B4GALT6: variants seen among roughly 807,000 people sequenced by gnomAD.
The protein encoded by B4GALT6 is UDP-Gal:beta-GlcNAc beta-1,4-galactosyltransferase 6.
Under a neutral mutation model 46.3 loss-of-function variants are expected in B4GALT6, and 14 were observed. The ratio of observed to expected loss-of-function variants is 0.30; its 90% CI spans 0.20 to 0.47. The LOEUF (loss-of-function observed/expected upper bound fraction) is 0.47, where lower values mean the gene tolerates loss of function less well. Among genes scored for constraint, B4GALT6 ranks in the 20% least tolerant of loss-of-function variants. The pLI, the probability that B4GALT6 is intolerant of heterozygous loss-of-function variation, is 0.99. For missense variants in B4GALT6, 386 were observed against 480.1 expected (o/e 0.80, Z 1.83); for synonymous variants, 168 against 162.0 (o/e 1.04, Z -0.28).
intron 5 of B4GALT6, among the ~76,000 whole-genome samples, chr18:31,636,824 T>G (rs2073864600): frequency 6.6e-6 from 1 of 152,200 alleles, no homozygotes; most frequent in Non-Finnish European, 1.5e-5. Context: ...TATTTTTATT[T>G]TTATTTTTAT....
chr18:31,655,147 T>C (rs1598900984), intron 3 of B4GALT6, among the ~76,000 whole-genome samples: 1 of 152,118 alleles, frequency 6.6e-6, no homozygotes, highest in Non-Finnish European at 1.5e-5. Context: ...TTTGCGGAGG[T>C]CACAGGACAA....
At chr18:31,720,660 T>C in the B4GALT6 span, among the ~76,000 whole-genome samples, 1 of 152,086 alleles carries the variant, frequency 6.6e-6, no homozygotes, top group Admixed American at 6.5e-5. Flanking sequence ...TGAGACTGTG[T>C]GGATTGAAAT....
At chr18:31,630,496 G>C (rs1230841263) in intron 6 of B4GALT6, among the ~76,000 whole-genome samples, 1 of 151,640 alleles carries the variant, frequency 6.6e-6, no homozygotes, top group African/African-American at 2.4e-5. Context: ...AGAGGGCTTT[G>C]TGGCCCTCCA....
intron 1 of B4GALT6, among the ~76,000 whole-genome samples, chr18:31,677,662 G>C (rs994965520): frequency 6.6e-6 from 1 of 152,164 alleles, no homozygotes; most frequent in Non-Finnish European, 1.5e-5. Context: ...ACAAAAGGCA[G>C]AATTTGAATG....
At chr18:31,672,094 C>T (rs1294747713) in intron 1 of B4GALT6, among the ~76,000 whole-genome samples, 1 of 152,190 alleles carries the variant, frequency 6.6e-6, no homozygotes, top group East Asian at 1.9e-4. Context: ...ACTAACAGTG[C>T]TGTAAGGATT....
intron 5 of B4GALT6, among the ~76,000 whole-genome samples, chr18:31,635,758 C>A (rs1349947246): frequency 3.9e-5 from 6 of 152,128 alleles, no homozygotes; most frequent in African/African-American, 2.4e-5. Flanking sequence ...GCAGAAGTTG[C>A]AGTGAGCTGA....
At chr18:31,652,193 C>A (rs191885795) in intron 3 of B4GALT6, among the ~76,000 whole-genome samples, 28 of 152,302 alleles carry the variant, frequency 1.8e-4, no homozygotes, top group Non-Finnish European at 2.6e-4. Context: ...CCCTTTGCCA[C>A]CAAACTTCTC....
the B4GALT6 span, among the ~76,000 whole-genome samples, chr18:31,695,496 C>A: frequency 6.6e-6 from 1 of 151,756 alleles, no homozygotes; most frequent in East Asian, 1.9e-4. Context: ...TAGGAGAGGC[C>A]ATATCTAGGC....
intron 4 of B4GALT6, among the ~76,000 whole-genome samples, chr18:31,641,821 T>C (rs550080086): frequency 3.9e-5 from 6 of 152,356 alleles, no homozygotes; most frequent in African/African-American, 1.2e-4. Flanking sequence ...CCTTGCTTAT[T>C]TTCTCCTATA....
At chr18:31,695,566 A>G in the B4GALT6 span, among the ~76,000 whole-genome samples, 1 of 152,308 alleles carries the variant, frequency 6.6e-6, no homozygotes, top group Non-Finnish European at 1.5e-5. Context: ...TTCAACCAAC[A>G]ATGCATAGAC....
chr18:31,633,978 G>A (rs2073825540), intron 5 of B4GALT6, among the ~76,000 whole-genome samples: 2 of 152,166 alleles, frequency 1.3e-5, no homozygotes, highest in Admixed American at 6.5e-5. Flanking sequence ...CGGGCTGCAG[G>A]GACCTGATAA....
chr18:31,623,398 A>G lies in B4GALT6; in HGVS notation c.*2216T>C, dbSNP rs1457229104. 3.9e-5 allele frequency: 6 copies of G among 152,486 alleles called. No homozygotes were observed. Among genetic ancestry groups the G allele is most frequent in the Admixed American group, 6.5e-5 (1 of 15,276 alleles). 9.4% of individuals were successfully genotyped at this position (152,486 alleles called of 1,614,324 possible). A position where few individuals can be genotyped will look rare whatever the true frequency, so the allele number is the denominator to read the frequency against. Reference sequence around the variant, plus strand: ...AAAACTGAAAAAAAGCAAAATGTTTATATCTCACTCCTGAAACAAAAATTA... The same window carrying G: ...AAAACTGAAAAAAAGCAAAATGTTTGTATCTCACTCCTGAAACAAAAATTA... On this transcript the variant is annotated 3_prime_UTR_variant, in exon 9 of 9. Coordinates refer to ENST00000306851, the MANE Select transcript of B4GALT6 (RefSeq NM_004775.5).
At chr18:31,661,645 C>A (rs568615774) in intron 2 of B4GALT6, among the ~76,000 whole-genome samples, 2 of 152,130 alleles carry the variant, frequency 1.3e-5, no homozygotes, top group Non-Finnish European at 2.9e-5. Context: ...TTTTCTGAAT[C>A]TCTTCAATTT....
intron 1 of B4GALT6, among the ~76,000 whole-genome samples, chr18:31,677,209 C>G (rs1215887639): frequency 1.3e-5 from 2 of 152,184 alleles, no homozygotes; most frequent in Non-Finnish European, 2.9e-5. Flanking sequence ...TTTGAAATTA[C>G]TAAGTATATT....
intron 1 of B4GALT6, among the ~76,000 whole-genome samples, chr18:31,670,159 T>A (rs564869627): frequency 2.2e-4 from 34 of 151,966 alleles, no homozygotes; most frequent in African/African-American, 8.2e-4. Context: ...GCTCAAGCGA[T>A]CCTCCCACCT....
the B4GALT6 span, chr18:31,724,397 C>T: frequency 1.1e-5 from 12 of 1,097,864 alleles, no homozygotes; most frequent in Non-Finnish European, 1.3e-5. Context: ...CTGGGGCCAA[C>T]TTAGCCCTGG....
At chr18:31,721,888 G>C in the B4GALT6 span, among the ~76,000 whole-genome samples, 1 of 151,860 alleles carries the variant, frequency 6.6e-6, no homozygotes, top group South Asian at 2.1e-4. Flanking sequence ...CTCTGTGTGT[G>C]TATGTGTGTG....
chr18:31,691,145 A>G, the B4GALT6 span, among the ~76,000 whole-genome samples: 8 of 152,128 alleles, frequency 5.3e-5, no homozygotes, highest in South Asian at 1.5e-3. Flanking sequence ...CCAGAACTTA[A>G]AGTAAAATCT....
intron 5 of B4GALT6, among the ~76,000 whole-genome samples, chr18:31,632,454 A>G (rs1010277106): frequency 5.3e-5 from 8 of 152,228 alleles, no homozygotes; most frequent in African/African-American, 1.9e-4. Flanking sequence ...AAGAAGTTCC[A>G]TATCTAATCC....
Sources: allele counts gnomAD v4.1 joint callset (sites outside exome capture counted in the v4.1 genomes callset), GRCh38; gene constraint gnomAD v4.1.1; transcripts MANE v1.5; gene names NCBI Gene and HGNC (gene_info 2026-07-23, HGNC 2026-07-21).